NFIC: variants seen among roughly 807,000 people sequenced by gnomAD.
The protein encoded by NFIC is nuclear factor 1 C-type.
In NFIC, 12 loss-of-function variants were observed where a neutral mutation model predicts 54.4. That is an observed-to-expected ratio of 0.22 (90% CI 0.14 to 0.36). The LOEUF is 0.36. Ranked by LOEUF, NFIC falls within the 10% of genes least tolerant of loss-of-function variation. The probability of loss-of-function intolerance (pLI) is 1.00; values close to 1 mark genes in which losing one functional copy is unlikely to be tolerated. For missense variants in NFIC, 575 were observed against 718.2 expected (o/e 0.80, Z 2.28); for synonymous variants, 322 against 319.2 (o/e 1.01, Z -0.09).
At chr19:3,434,932 C>A in intron 5 of NFIC, 151 bp from the exon 6 acceptor site, 1 of 1,063,070 alleles carries the variant, frequency 9.4e-7, no homozygotes, top group Non-Finnish European at 1.3e-6. Context: ...TCGTAGGGAA[C>A]GGGCTGAACG....
At position 3,434,487 on chromosome 19, in the gene NFIC, C is replaced by T. The variant is rs1035418759; in HGVS notation, c.833+87C>T. 8.2e-6 allele frequency: 12 copies of T among 1,457,056 alleles called. No individual in the cohort carries two copies. The African/African-American group carries it at 8.6e-5, about 10-fold the overall frequency. 90.3% of individuals were successfully genotyped at this position (1,457,056 alleles called of 1,614,324 possible). The stretch of plus-strand genomic sequence containing the variant: ...TGGCCCGAGCTGACTCATTCCTCTC[C>T]CTGGAATACCTCTTTTCACGATTCA... On this transcript the variant is annotated intron_variant, in intron 5 of 10. Coordinates refer to ENST00000443272, the MANE Select transcript of NFIC (RefSeq NM_001245002.2).
chr19:3,363,913 C>G (rs2145414957), upstream of NFIC, among the ~76,000 whole-genome samples: 1 of 152,346 alleles, frequency 6.6e-6, no homozygotes, highest in East Asian at 1.9e-4. Context: ...GGAGAGCTCT[C>G]CAGCTTTCTG....
At position 3,452,401 on chromosome 19, in the gene NFIC, C is replaced by T. The variant is rs907765322; in HGVS notation, c.1085-81C>T. The T allele has an allele frequency of 3.9e-5, 60 of 1,541,346 alleles. No homozygotes were observed. Among genetic ancestry groups the T allele is most frequent in the Non-Finnish European group, 5.1e-5 (58 of 1,132,688 alleles). ...CACTGAGATGCCGGCAGGAATGACACCCACAGACACACAGTCACACGGTCA... is the reference window on the plus strand; with the variant it reads ...CACTGAGATGCCGGCAGGAATGACATCCACAGACACACAGTCACACGGTCA... On this transcript the variant is annotated intron_variant, in intron 7 of 10. Coordinates refer to ENST00000443272, the MANE Select transcript of NFIC (RefSeq NM_001245002.2). This position sits in a 1 kb window ranked among gnomAD's most constrained non-coding sequence, Gnocchi z 5.3.
Position 3,369,779 on chromosome 19 carries a change from G to A in NFIC, c.30+3113G>A, listed in dbSNP as rs2080966573. 6.6e-6 allele frequency among the ~76,000 whole-genome samples: 1 copy of A among 151,758 alleles called. No individual in the cohort carries two copies. Among genetic ancestry groups the A allele is most frequent in the Non-Finnish European group, 1.5e-5 (1 of 67,954 alleles). On this transcript the variant is annotated intron_variant, in intron 1 of 10. Transcript: ENST00000443272. The surrounding 1 kb of genome is among the most constrained non-coding windows in gnomAD (Gnocchi z 4.3). The stretch of plus-strand genomic sequence containing the variant: ...TCCCTCCCGCTGGCGCCACCGCCAC[G>A]TTAGTTATTCCGGGTTTGGGGCCAA...
chr19:3,436,160 T>TG (rs58569341), intron 6 of NFIC, among the ~76,000 whole-genome samples: 101 of 150,978 alleles, frequency 6.7e-4, no homozygotes, highest in African/African-American at 2.4e-3. Flanking sequence ...TTTGTTTGTT[T>TG]TTGAAACGGA....
At chr19:3,424,423 C>G (rs2081997228) in intron 2 of NFIC, among the ~76,000 whole-genome samples, 1 of 152,280 alleles carries the variant, frequency 6.6e-6, no homozygotes, top group South Asian at 2.1e-4. Flanking sequence ...GTCGCCCAGA[C>G]TGGACTGCAG....
At chr19:3,409,111 C>A (rs559132144) in intron 2 of NFIC, among the ~76,000 whole-genome samples, 1 of 152,132 alleles carries the variant, frequency 6.6e-6, no homozygotes, top group Non-Finnish European at 1.5e-5. Context: ...AAACCCAGGC[C>A]TCTCACTGCA....
chr19:3,435,792 A>C (rs1431905921), intron 6 of NFIC, among the ~76,000 whole-genome samples: 1 of 150,130 alleles, frequency 6.7e-6, no homozygotes, highest in East Asian at 2.0e-4. Flanking sequence ...TGTCTTCAGA[A>C]GGGTCCTCTC....
rs561182809 is a variant in NFIC, at chr19:3,462,313, C to T, written c.1510-439C>T. On this transcript the variant is annotated intron_variant, in intron 10 of 10. Transcript: ENST00000443272. The stretch of plus-strand genomic sequence containing the variant: ...AGGAGAATTGCTTGAACCCAGGAGG[C>T]AGAGGTTGTAGTGAGCCAATATCAC... Among the ~76,000 whole-genome samples, 13 of 152,136 alleles carry T rather than the reference C, an allele frequency of 8.5e-5. 2 individuals are homozygous for T. Among genetic ancestry groups the T allele is most frequent in the African/African-American group, 2.9e-4 (12 of 41,514 alleles).
Position 3,435,222 on chromosome 19 carries a change from G to C in NFIC, c.958+15G>C. 6.4e-7 allele frequency: 1 copy of C among 1,565,656 alleles called. No homozygotes were observed. The highest frequency in any genetic ancestry group is 8.7e-7 in the Non-Finnish European group (1 of 1,149,720). ...CATGGAAGGAGGTAGGGCTGGTGGC[G>C]GGGGCGGAGCCGGCCTTCCGGTCTG... On this transcript the variant is annotated intron_variant, in intron 6 of 10. Transcript: ENST00000443272.
intron 6 of NFIC, among the ~76,000 whole-genome samples, chr19:3,441,362 T>G (rs1599697696): frequency 6.6e-6 from 1 of 152,134 alleles, no homozygotes; most frequent in Admixed American, 6.6e-5. Context: ...CCGGGTTATT[T>G]CCCCTCCCGG....
chr19:3,387,618 G>A (rs565753563), intron 2 of NFIC, among the ~76,000 whole-genome samples: 10 of 152,238 alleles, frequency 6.6e-5, no homozygotes, highest in South Asian at 6.2e-4. Flanking sequence ...CTGAGGAGGC[G>A]TCTTTGAGGT....
intron 4 of NFIC, among the ~76,000 whole-genome samples, chr19:3,433,996 CCTT>C (rs1430431178): frequency 4.6e-5 from 7 of 152,266 alleles, no homozygotes; most frequent in African/African-American, 1.7e-4. Flanking sequence ...TGGGCGCTGT[CCTT>C]CTTTAGCCCT....
intron 2 of NFIC, among the ~76,000 whole-genome samples, chr19:3,390,401 G>A (rs1310698667): frequency 2.0e-5 from 3 of 152,212 alleles, no homozygotes; most frequent in Non-Finnish European, 2.9e-5. Flanking sequence ...AGCTCCCACA[G>A]CAGACAAGAG....
At chr19:3,371,810 G>A (rs898708562) in intron 1 of NFIC, among the ~76,000 whole-genome samples, 1 of 152,032 alleles carries the variant, frequency 6.6e-6, no homozygotes, top group African/African-American at 2.4e-5. Context: ...GACCTGGAAA[G>A]GCCCAGGCTC....
chr19:3,422,484 G>A (rs889101853), intron 2 of NFIC, among the ~76,000 whole-genome samples: 9 of 151,634 alleles, frequency 5.9e-5, no homozygotes, highest in East Asian at 2.0e-4. Flanking sequence ...TTGGGAGGCC[G>A]AGGCGGGCGG....
At chr19:3,446,888 T>C (rs1207895269) in intron 6 of NFIC, among the ~76,000 whole-genome samples, 1 of 150,446 alleles carries the variant, frequency 6.6e-6, no homozygotes, top group Non-Finnish European at 1.5e-5. Flanking sequence ...TGCCTGGACA[T>C]GATGGTGCAT....
Position 3,463,781 on chromosome 19 carries a change from C to A in NFIC, c.*1012C>A. ...CAGAGCTCCCCGAGTTGGGGGTGCC[C>A]GTCTGGAGCGCCCCCGTCAGCCCCT... On this transcript the variant is annotated 3_prime_UTR_variant, in exon 11 of 11. Coordinates refer to ENST00000443272, the MANE Select transcript of NFIC (RefSeq NM_001245002.2). 1.0e-6 allele frequency: 1 copy of A among 985,424 alleles called. No individual in the cohort carries two copies. Among genetic ancestry groups the A allele is most frequent in the South Asian group, 4.7e-5 (1 of 21,282 alleles). The allele number at this position is 985,424 out of a possible 1,614,324, so 61.0% of individuals were successfully genotyped here.
At chr19:3,407,714 G>A (rs2081676970) in intron 2 of NFIC, among the ~76,000 whole-genome samples, 3 of 152,262 alleles carry the variant, frequency 2.0e-5, no homozygotes, top group Non-Finnish European at 4.4e-5. Context: ...GATTACAGAC[G>A]TGAGCCACCG....
Sources: gnomAD v4.1 joint callset for allele counts (sites outside exome capture counted in the v4.1 genomes callset) on GRCh38, gnomAD v4.1.1 for gene constraint, Gnocchi (gnomAD v3.1) non-coding constraint, MANE v1.5 for transcripts, NCBI Gene and HGNC (gene_info 2026-07-23, HGNC 2026-07-21) for gene names.